Variants in RHOA observed in about 807,000 individuals in gnomAD.
The protein encoded by RHOA is ras homolog family member A.
In RHOA, 3 loss-of-function variants were observed where a neutral mutation model predicts 17.5. The observed-to-expected ratio is 0.17, with a 90% CI of 0.08 to 0.44. RHOA has a LOEUF of 0.44. RHOA is among the 20% of genes least tolerant of loss of function. RHOA has a pLI of 0.99. For missense variants in RHOA, 56 were observed against 242.3 expected, an observed-to-expected ratio of 0.23 and a Z score of 5.10; for synonymous variants, 98 against 88.4, an observed-to-expected ratio of 1.11 and a Z score of -0.61.
At chr3:49,369,780 A>T (rs2048122432) in intron 2 of RHOA, among the ~76,000 whole-genome samples, 3 of 145,884 alleles carry the variant, frequency 2.1e-5, no homozygotes, top group Non-Finnish European at 3.0e-5. Flanking sequence ...AACTTAGCTG[A>T]GTGTGGGCTG....
rs71080504 is a variant in RHOA, at chr3:49,393,676, C to CTGTGTGTGTGTG, written c.-2-18097_-2-18086dup. Among the ~76,000 whole-genome samples the CTGTGTGTGTGTG allele has an allele frequency of 4.3e-3, 44 of 10,346 alleles. 1 individual carries two copies. Among genetic ancestry groups the CTGTGTGTGTGTG allele is most frequent in the Admixed American group, 0.013 (8 of 630 alleles). The allele number at this position is 10,346 out of a possible 152,430, so 6.8% of individuals were successfully genotyped here. ...AGGTCCCTTGTCTCAAATTCTCTCT[C>CTGTGTGTGTGTG]TGTGTGTGTGTGTGTGTGTGTGTGT... On this transcript the variant is annotated intron_variant, in intron 1 of 4. Transcript: ENST00000418115.
At chr3:49,371,243 A>G (rs1044656750) in intron 2 of RHOA, among the ~76,000 whole-genome samples, 3 of 150,532 alleles carry the variant, frequency 2.0e-5, no homozygotes, top group Non-Finnish European at 4.4e-5. Flanking sequence ...GATCACCTAC[A>G]ATCTTGTATG....
intron 1 of RHOA, among the ~76,000 whole-genome samples, chr3:49,400,655 A>G (rs1307194744): frequency 6.6e-6 from 1 of 152,006 alleles, no homozygotes; most frequent in Non-Finnish European, 1.5e-5. Flanking sequence ...CAGGAGTTCA[A>G]GGCTGCAGTG....
At chr3:49,391,367 G>A (rs565845870) in intron 1 of RHOA, among the ~76,000 whole-genome samples, 1 of 150,046 alleles carries the variant, frequency 6.7e-6, no homozygotes, top group South Asian at 2.1e-4. Flanking sequence ...ACTCCAACTT[G>A]AGCGACAGAG....
chr3:49,406,003 T>C (rs2048826769), intron 1 of RHOA, among the ~76,000 whole-genome samples: 1 of 152,170 alleles, frequency 6.6e-6, no homozygotes, highest in Non-Finnish European at 1.5e-5. Flanking sequence ...GTTTCTGAAC[T>C]TAAGATCTTC....
At chr3:49,410,955 C>A (rs1445705228) in intron 1 of RHOA, among the ~76,000 whole-genome samples, 2 of 152,312 alleles carry the variant, frequency 1.3e-5, no homozygotes, top group South Asian at 4.1e-4. Flanking sequence ...AACTACTAAA[C>A]AAGGTTTGTG....
intron 1 of RHOA, among the ~76,000 whole-genome samples, chr3:49,397,786 G>A (rs2048643047): frequency 6.6e-6 from 1 of 152,088 alleles, no homozygotes; most frequent in African/African-American, 2.4e-5. Flanking sequence ...TAGAACAATG[G>A]ACTCCCAAGG....
chr3:49,377,817 G>A (rs187687396), intron 1 of RHOA, among the ~76,000 whole-genome samples: 28 of 151,556 alleles, frequency 1.8e-4, no homozygotes, highest in Non-Finnish European at 3.7e-4. Flanking sequence ...TAGGTTGGTG[G>A]TCTGGCTCAG....
chr3:49,369,088 G>C (rs572002596), intron 2 of RHOA, among the ~76,000 whole-genome samples: 1 of 117,986 alleles, frequency 8.5e-6, no homozygotes, highest in African/African-American at 3.3e-5. Flanking sequence ...TCAGTGGCAA[G>C]ATCTTGGCTC....
chr3:49,368,892 A>T (rs2048102209), intron 2 of RHOA, among the ~76,000 whole-genome samples: 1 of 148,316 alleles, frequency 6.7e-6, no homozygotes, highest in African/African-American at 2.5e-5. Context: ...TATTTTTAGT[A>T]GAGACGGGGT....
chr3:49,397,244 G>T (rs62259945), intron 1 of RHOA, among the ~76,000 whole-genome samples: 6,291 of 151,688 alleles, frequency 0.041, 185 homozygotes, highest in Non-Finnish European at 0.064. Context: ...TCCATTACAC[G>T]AAATATCCAG....
intron 2 of RHOA, 117 bp from the exon 3 acceptor site, chr3:49,368,665 T>A: frequency 2.0e-6 from 2 of 994,172 alleles, no homozygotes; most frequent in Non-Finnish European, 3.1e-6. Flanking sequence ...GCAGACGGTC[T>A]AAAACAGTAA....
intron 1 of RHOA, among the ~76,000 whole-genome samples, chr3:49,375,962 C>A (rs1183505438): frequency 6.6e-6 from 1 of 152,062 alleles, no homozygotes; most frequent in Non-Finnish European, 1.5e-5. Context: ...AATTCTCCTG[C>A]CTCAGACTCC....
At chr3:49,405,919 A>G (rs1168521816) in intron 1 of RHOA, among the ~76,000 whole-genome samples, 3 of 152,156 alleles carry the variant, frequency 2.0e-5, no homozygotes, top group Non-Finnish European at 4.4e-5. Context: ...TCCTGACCTC[A>G]GGTGACCCAC....
intron 1 of RHOA, among the ~76,000 whole-genome samples, chr3:49,399,576 G>T: frequency 7.1e-6 from 1 of 140,558 alleles, no homozygotes; most frequent in Non-Finnish European, 1.6e-5. Flanking sequence ...GTACACAGGA[G>T]CTTTTTTTTT....
intron 1 of RHOA, among the ~76,000 whole-genome samples, chr3:49,390,399 G>A (rs1575667129): frequency 1.3e-5 from 2 of 152,092 alleles, no homozygotes; most frequent in East Asian, 3.9e-4. Flanking sequence ...AAAATGCTGG[G>A]ATTACAGGCG....
At chr3:49,397,517 T>G (rs78756270) in intron 1 of RHOA, among the ~76,000 whole-genome samples, 1 of 152,042 alleles carries the variant, frequency 6.6e-6, no homozygotes. Flanking sequence ...TTTGTTTTTT[T>G]AAAAAAAATA....
intron 1 of RHOA, among the ~76,000 whole-genome samples, chr3:49,411,199 A>C (rs2048928031): frequency 6.6e-6 from 1 of 151,956 alleles, no homozygotes; most frequent in African/African-American, 2.4e-5. Context: ...CAGACCCCAA[A>C]GCTTTCAGAC....
rs557361496 is a variant in RHOA, at chr3:49,401,295, G to A, written c.-3+10525C>T. 6.6e-5 allele frequency among the ~76,000 whole-genome samples: 10 copies of A among 152,112 alleles called. No individual in the cohort carries two copies. The East Asian group carries it at 1.9e-3, about 29-fold the overall frequency. On this transcript the variant is annotated intron_variant, in intron 1 of 4. Transcript: ENST00000418115. ...ATCCCAGCACTTTGGGAGGCAGGAGGACTGCTTGAAGCCAAGAGGTGGAGA... is the reference window on the plus strand; with the variant it reads ...ATCCCAGCACTTTGGGAGGCAGGAGAACTGCTTGAAGCCAAGAGGTGGAGA...
Sources: allele counts gnomAD v4.1 joint callset (sites outside exome capture counted in the v4.1 genomes callset), GRCh38; gene constraint gnomAD v4.1.1; transcripts MANE v1.5; gene names NCBI Gene and HGNC (gene_info 2026-07-23, HGNC 2026-07-21).